Variants in DRAP1 observed in about 807,000 individuals in gnomAD.
DRAP1 encodes DR1 associated protein 1, also known as dr1-associated corepressor.
DRAP1 carries 10 observed loss-of-function variants against 24.1 expected under a neutral mutation model. The observed-to-expected ratio is 0.41, with a 90% CI of 0.26 to 0.70. The LOEUF (loss-of-function observed/expected upper bound fraction) is 0.70. Among genes scored for constraint, DRAP1 ranks in the 30% least tolerant of loss-of-function variants. DRAP1 has a pLI of 0.29. For synonymous variants in DRAP1, 122 were observed against 113.8 expected, an observed-to-expected ratio of 1.07 and a Z score of -0.46; for missense variants, 264 against 275.6, an observed-to-expected ratio of 0.96 and a Z score of 0.30.
In DRAP1 at chr11:65,920,878, T is replaced by C; in HGVS notation, c.424-6T>C. The C allele has an allele frequency of 6.2e-7, 1 of 1,610,924 alleles. No individual in the cohort carries two copies. On this transcript the variant is annotated splice_region_variant and splice_polypyrimidine_tract_variant and intron_variant, in intron 5 of 6. Coordinates refer to ENST00000312515, the MANE Select transcript of DRAP1 (RefSeq NM_006442.4). Reference sequence around the variant, plus strand: ...TTGTCAACTCTGACCTCTGCGGTGCTCACAGGATGAATCTGAGGACACAGA... The same window carrying C: ...TTGTCAACTCTGACCTCTGCGGTGCCCACAGGATGAATCTGAGGACACAGA...
In DRAP1 at chr11:65,921,525, T is replaced by TAA; in HGVS notation, c.*100_*101dup. ...AAGGTAGAGCTGTTCTTAAATTTAT[T>TAA]AAAAAAAAAAATAAAAGGGAATCTC... is the stretch of plus-strand genomic sequence containing the variant. On this transcript the variant is annotated 3_prime_UTR_variant, in exon 7 of 7. Coordinates refer to ENST00000312515, the MANE Select transcript of DRAP1 (RefSeq NM_006442.4). The TAA allele has an allele frequency of 3.4e-5, 17 of 505,294 alleles. No homozygotes were observed. The highest frequency in any genetic ancestry group is 1.6e-4 in the South Asian group (5 of 30,650). The allele number at this position is 505,294 out of a possible 1,614,324, so 31.3% of individuals were successfully genotyped here.
In DRAP1 at chr11:65,920,048, G is replaced by A; in HGVS notation, c.209+7G>A. 4 of 1,612,728 alleles carry A rather than the reference G, an allele frequency of 2.5e-6. No individual in the cohort carries two copies. In the South Asian group the frequency reaches 3.3e-5, roughly 13 times the overall value. ...CCATGACCACATCCCACCTGTGAGC[G>A]GCGAGGAGCCGGGAGGGGCCGGCGG... On this transcript the variant is annotated splice_region_variant and intron_variant, in intron 3 of 6. Transcript: ENST00000312515.
chr11:65,920,856 T>G (rs1390946997), intron 5 of DRAP1, 28 bp from the exon 6 acceptor site: 1 of 1,590,668 alleles, frequency 6.3e-7, no homozygotes, highest in Non-Finnish European at 8.6e-7. Flanking sequence ...TCTTTTCTTG[T>G]CAACTCTGAC....
chr11:65,921,013 C>A, intron 6 of DRAP1, 41 bp downstream of exon 6: 1 of 1,480,064 alleles, frequency 6.8e-7, no homozygotes, highest in South Asian at 1.3e-5. Context: ...GGCAGACTCC[C>A]CAGAGCCAAC....
rs546136998 is a variant in DRAP1 at position 65,920,557 on chromosome 11, A to G, written c.330-12A>G. ...GGAGCACTCCGGGCAGATGGACTGT[A>G]CCTTCCCAAAGGGGCCGGAAGCCAG... is the stretch of plus-strand genomic sequence containing the variant. On this transcript the variant is annotated splice_polypyrimidine_tract_variant and intron_variant, in intron 4 of 6. Transcript: ENST00000312515. 3.8e-5 allele frequency: 61 copies of G among 1,599,850 alleles called. No homozygotes were observed. In the South Asian group the frequency reaches 6.6e-4, roughly 17 times the overall value.
Position 65,919,996 on chromosome 11 carries a change from A to C in DRAP1, c.164A>C (p.Gln55Pro). The C allele has an allele frequency of 1.2e-6, 2 of 1,613,740 alleles. No individual in the cohort carries two copies. The highest frequency in any genetic ancestry group is 1.7e-6 in the Non-Finnish European group (2 of 1,179,918). ...GAGTCGCTGTTGAAGAAGGCCTGCC[A>C]GGTGACCCAGTCGCGGAACGCGAAG... ...FLESLLKKAC[Q>P]VTQSRNAKTM... is the part of the protein sequence containing the mutation. The change falls in exon 3 of 7, where the codon CAG becomes CCG. Residue 55 changes from glutamine (Q) to proline (P), a missense_variant. Around this residue, in one of 2 missense-constraint regions of DRAP1, gnomAD observed 243 missense variants for 233.6 expected, o/e 1.04. Transcript: ENST00000312515.
At chr11:65,921,234 G>A in intron 6 of DRAP1, 96 bp from the exon 7 acceptor site, 1 of 818,502 alleles carries the variant, frequency 1.2e-6, no homozygotes, top group Non-Finnish European at 2.0e-6. Flanking sequence ...GGTGGTGGTG[G>A]GAGGGTCAGA....
rs1854552785 is a variant in DRAP1 at position 65,921,539 on chromosome 11, A to G, written c.*104A>G. ...CTTAAATTTATTAAAAAAAAAAATA[A>G]AAGGGAATCTCAGTGTCTGTTCCAG... On this transcript the variant is annotated 3_prime_UTR_variant, in exon 7 of 7. Coordinates refer to ENST00000312515, the MANE Select transcript of DRAP1 (RefSeq NM_006442.4). 2 of 563,282 alleles carry G rather than the reference A, an allele frequency of 3.6e-6. No homozygotes were observed. Among genetic ancestry groups the G allele is most frequent in the African/African-American group, 1.9e-5 (1 of 51,418 alleles). 34.9% of individuals were successfully genotyped at this position (563,282 alleles called of 1,614,324 possible). A position where few individuals can be genotyped will look rare whatever the true frequency, so the allele number is the denominator to read the frequency against.
intron 2 of DRAP1, 27 bp downstream of exon 2, chr11:65,919,879 G>A (rs770439184): frequency 6.2e-7 from 1 of 1,613,350 alleles, no homozygotes. Context: ...GGACCGGGTC[G>A]AGGGGCGTGG....
rs901469345 is a variant in DRAP1 at position 65,920,679 on chromosome 11, C to T, written c.423+17C>T. Reference sequence around the variant, plus strand: ...GAGCAGGAGGTGAGTGAGGCCCCAGCCCTTCGCCCTGCCCTTGGTGATGGG... The same window carrying T: ...GAGCAGGAGGTGAGTGAGGCCCCAGTCCTTCGCCCTGCCCTTGGTGATGGG... On this transcript the variant is annotated intron_variant, in intron 5 of 6. Coordinates refer to ENST00000312515, the MANE Select transcript of DRAP1 (RefSeq NM_006442.4). 7.5e-6 allele frequency: 11 copies of T among 1,473,050 alleles called. No homozygotes were observed. The African/African-American group carries it at 8.5e-5, about 11-fold the overall frequency. 91.2% of individuals were successfully genotyped at this position (1,473,050 alleles called of 1,614,324 possible). A position where few individuals can be genotyped will look rare whatever the true frequency, so the allele number is the denominator to read the frequency against.
rs575693013 is a variant in DRAP1 at position 65,921,499 on chromosome 11, G to A, written c.*64G>A. ...TTTTAGTTGCTCTGGGGGGAGGAGAGAAGGTAGAGCTGTTCTTAAATTTAT... is the reference window on the plus strand; with the variant it reads ...TTTTAGTTGCTCTGGGGGGAGGAGAAAAGGTAGAGCTGTTCTTAAATTTAT... On this transcript the variant is annotated 3_prime_UTR_variant, in exon 7 of 7. Coordinates refer to ENST00000312515, the MANE Select transcript of DRAP1 (RefSeq NM_006442.4). 54 of 738,830 alleles carry A rather than the reference G, an allele frequency of 7.3e-5. No individual in the cohort carries two copies. The African/African-American group carries it at 7.6e-4, about 10-fold the overall frequency. 45.8% of individuals were successfully genotyped at this position (738,830 alleles called of 1,614,324 possible).
rs774294429 is a variant in DRAP1, at chr11:65,920,440, G to C, written c.307G>C (p.Asp103His). 6.2e-7 allele frequency: 1 copy of C among 1,614,136 alleles called. No individual in the cohort carries two copies. Among genetic ancestry groups the C allele is most frequent in the South Asian group, 1.1e-5 (1 of 91,086 alleles). Residue 103 changes from aspartate (D) to histidine (H), a missense_variant, in exon 4 of 7, where the codon GAT (aspartate) becomes CAT (histidine). Around this residue, in one of 2 missense-constraint regions of DRAP1, gnomAD observed 243 missense variants for 233.6 expected, o/e 1.04. Coordinates refer to ENST00000312515, the MANE Select transcript of DRAP1 (RefSeq NM_006442.4). ...MQGDGEDNHMDGDKGARRGRK... is the reference protein window; with the variant it reads ...MQGDGEDNHMHGDKGARRGRK... ...GGGGGACGGGGAAGACAACCACATG[G>C]ATGGGGACAAGGGCGCCCGCAGGTG...
chr11:65,920,265 G>C (rs1193044816), intron 3 of DRAP1, 78 bp from the exon 4 acceptor site: 3 of 1,597,034 alleles, frequency 1.9e-6, no homozygotes, highest in Non-Finnish European at 2.6e-6. Flanking sequence ...CTGACATCTG[G>C]GGCCCCTTGC....
chr11:65,920,407 G>C lies in DRAP1; in HGVS notation c.274G>C (p.Asp92His). Residue 92 changes from aspartate (D) to histidine (H), a missense_variant, in exon 4 of 7, where the codon GAC becomes CAC. Asp to His is a moderately conservative substitution (Grantham distance 81). Coordinates refer to ENST00000312515, the MANE Select transcript of DRAP1 (RefSeq NM_006442.4). Reference sequence around the variant, plus strand: ...GAAGGACCTGGTGGCATCTGTTCCCGACATGCAGGGGGACGGGGAAGACAA... The same window carrying C: ...GAAGGACCTGGTGGCATCTGTTCCCCACATGCAGGGGGACGGGGAAGACAA... ...FLKDLVASVPDMQGDGEDNHM... is the reference protein window; with the variant it reads ...FLKDLVASVPHMQGDGEDNHM... The C allele has an allele frequency of 6.2e-7, 1 of 1,614,114 alleles. No homozygotes were observed. Among genetic ancestry groups the C allele is most frequent in the Admixed American group, 1.7e-5 (1 of 60,024 alleles).
chr11:65,921,162 T>G, intron 6 of DRAP1, 168 bp from the exon 7 acceptor site: 2 of 664,538 alleles, frequency 3.0e-6, no homozygotes, highest in Admixed American at 3.1e-5. Context: ...CCAGGGCCCG[T>G]GGGTGGGGCC....
At chr11:65,919,705 G>T in intron 1 of DRAP1, 75 bp from the exon 2 acceptor site, 1 of 1,588,662 alleles carries the variant, frequency 6.3e-7, no homozygotes, top group South Asian at 1.1e-5. Context: ...TTTCTCCGGG[G>T]ATGCCCCTTC....
At chr11:65,921,055 C>A in intron 6 of DRAP1, 83 bp downstream of exon 6, 2 of 1,097,182 alleles carry the variant, frequency 1.8e-6, no homozygotes, top group Non-Finnish European at 2.6e-6. Flanking sequence ...GCCCCTTGGT[C>A]TTGTTGATTG....
chr11:65,919,449 CG>C lies in DRAP1; in HGVS notation c.-50del. The C allele has an allele frequency of 6.6e-7, 1 of 1,510,344 alleles. No homozygotes were observed. The highest frequency in any genetic ancestry group is 1.5e-5 in the African/African-American group (1 of 68,722). The allele number at this position is 1,510,344 out of a possible 1,614,324, so 93.6% of individuals were successfully genotyped here. On this transcript the variant is annotated 5_prime_UTR_variant, in exon 1 of 7. Transcript: ENST00000312515. Reference sequence around the variant, plus strand: ...GCGGGCGGCGAGCAGGCCCGGGAGCCGGGAGGCTGCGGGCGGCGGCGCTGGA... The same window carrying C: ...GCGGGCGGCGAGCAGGCCCGGGAGCCGGAGGCTGCGGGCGGCGGCGCTGGA...
chr11:65,920,875 T>G lies in DRAP1; in HGVS notation c.424-9T>G. ...TTCTTGTCAACTCTGACCTCTGCGG[T>G]GCTCACAGGATGAATCTGAGGACAC... On this transcript the variant is annotated splice_polypyrimidine_tract_variant and intron_variant, in intron 5 of 6. Transcript: ENST00000312515. The G allele has an allele frequency of 1.2e-6, 2 of 1,610,478 alleles. No homozygotes were observed. The highest frequency in any genetic ancestry group is 1.7e-6 in the Non-Finnish European group (2 of 1,178,082).
Sources: gnomAD v4.1 joint callset for allele counts on GRCh38, gnomAD v4.1.1 for gene constraint, gnomAD v4.1.1 regional missense constraint, MANE v1.5 for transcripts, NCBI Gene and HGNC (gene_info 2026-07-23, HGNC 2026-07-21) for gene names.